The following HCN2 variants were observed in gnomAD, a reference collection of about 807,000 sequenced individuals.
HCN2 encodes potassium/sodium hyperpolarization-activated cyclic nucleotide-gated channel 2.
In HCN2, 20 loss-of-function variants were observed where a neutral mutation model predicts 52.3. The ratio of observed to expected loss-of-function variants is 0.38; its 90% CI spans 0.27 to 0.56. The LOEUF is 0.56. HCN2 is among the 20% of genes least tolerant of loss of function. HCN2 has a pLI of 0.71. For synonymous variants in HCN2, 694 were observed against 537.0 expected, an observed-to-expected ratio of 1.29 and a Z score of -4.04; for missense variants, 981 against 1,207.7, an observed-to-expected ratio of 0.81 and a Z score of 2.78.
chr19:602,704 C>A (rs910312432), intron 1 of HCN2, among the ~76,000 whole-genome samples: 1 of 152,210 alleles, frequency 6.6e-6, no homozygotes, highest in South Asian at 2.1e-4. Flanking sequence ...TTTTTAACGC[C>A]AACCTTGTGC....
At chr19:596,943 CCCTGCAGGGCT>C (rs1411719660) in intron 1 of HCN2, among the ~76,000 whole-genome samples, 1 of 152,278 alleles carries the variant, frequency 6.6e-6, no homozygotes, top group African/African-American at 2.4e-5. Context: ...GACAGTGACG[CCCTGCAGGGCT>C]CTGGGGTCCC....
Position 590,043 on chromosome 19 carries a change from A to T in HCN2, c.98A>T (p.Gln33Leu). Residue 33 changes from glutamine to leucine, a missense_variant, in exon 1 of 8, where the codon CAG becomes CTG. Gln to Leu is a moderately radical substitution (Grantham distance 113). Around this residue, in one of 6 missense-constraint regions of HCN2, gnomAD observed 215 missense variants for 179.4 expected, o/e 1.20. Coordinates refer to ENST00000251287, the MANE Select transcript of HCN2 (RefSeq NM_001194.4). The surrounding 1 kb of genome is among the most constrained non-coding windows in gnomAD (Gnocchi z 7.2). The part of the protein sequence containing the change: ...PPPPPPAPPQ[Q>L]QPPPPPPPAP... Reference sequence around the variant, plus strand: ...CCGCCGCCGCCCGCGCCCCCCCAACAGCAGCCGCCGCCGCCGCCGCCGCCC... The same window carrying T: ...CCGCCGCCGCCCGCGCCCCCCCAACTGCAGCCGCCGCCGCCGCCGCCGCCC... The T allele has an allele frequency of 1.9e-6, 1 of 525,778 alleles. No individual in the cohort carries two copies. Among genetic ancestry groups the T allele is most frequent in the Non-Finnish European group, 2.3e-6 (1 of 428,338 alleles). 32.6% of individuals were successfully genotyped at this position (525,778 alleles called of 1,614,324 possible).
At chr19:609,406 C>A (rs1036806280) in intron 4 of HCN2, among the ~76,000 whole-genome samples, 1 of 152,204 alleles carries the variant, frequency 6.6e-6, no homozygotes, top group Non-Finnish European at 1.5e-5. Context: ...TGTCAGGGTA[C>A]CTGGGGCCTC....
chr19:607,877 C>T, intron 3 of HCN2, 87 bp from the exon 4 acceptor site: 4 of 978,720 alleles, frequency 4.1e-6, no homozygotes, highest in Non-Finnish European at 6.2e-6. Flanking sequence ...CAGTGCTTGG[C>T]AGAGGGTGGG....
At chr19:614,116 C>T (rs759041142) in intron 7 of HCN2, 100 bp downstream of exon 7, 14 of 722,364 alleles carry the variant, frequency 1.9e-5, no homozygotes, top group East Asian at 3.3e-5. Flanking sequence ...GGGGGAAGGG[C>T]GTGGCTGTGG....
rs1983588500 is a variant in HCN2, at chr19:610,598, C to T, written c.1584+193C>T. Among the ~76,000 whole-genome samples the T allele has an allele frequency of 2.6e-5, 4 of 152,300 alleles. No individual in the cohort carries two copies. In the South Asian group the frequency reaches 8.3e-4, roughly 32 times the overall value. On this transcript the variant is annotated intron_variant, in intron 5 of 7. Coordinates refer to ENST00000251287, the MANE Select transcript of HCN2 (RefSeq NM_001194.4). ...CTGCACCCCCAGGACCCCCGCCACC[C>T]CCGCCTTGCTTCCCGCTGCCCCCTT...
At chr19:610,173 T>C (rs1983564231) in intron 4 of HCN2, 86 bp from the exon 5 acceptor site, 1 of 1,497,608 alleles carries the variant, frequency 6.7e-7, no homozygotes, top group South Asian at 1.2e-5. Flanking sequence ...TGACCCAGCC[T>C]CGCCTCCCCA....
At chr19:609,349 A>T (rs548656107) in intron 4 of HCN2, among the ~76,000 whole-genome samples, 15 of 152,204 alleles carry the variant, frequency 9.9e-5, no homozygotes, top group African/African-American at 3.6e-4. Context: ...TGGTTTCTGG[A>T]AAGATCATCA....
At chr19:606,136 G>A (rs1983420099) in intron 3 of HCN2, among the ~76,000 whole-genome samples, 2 of 151,990 alleles carry the variant, frequency 1.3e-5, no homozygotes, top group Non-Finnish European at 2.9e-5. Flanking sequence ...GTTTCACTCT[G>A]TCGCCCAGGC....
At chr19:601,351 G>A (rs895406366) in intron 1 of HCN2, among the ~76,000 whole-genome samples, 7 of 152,124 alleles carry the variant, frequency 4.6e-5, no homozygotes, top group African/African-American at 9.7e-5. Flanking sequence ...TGAACGTGAC[G>A]TCCTCAAGGG....
intron 1 of HCN2, among the ~76,000 whole-genome samples, chr19:601,579 C>T (rs1479038109): frequency 4.0e-5 from 6 of 150,702 alleles, no homozygotes; most frequent in Non-Finnish European, 5.9e-5. Flanking sequence ...GGTTGTCGTC[C>T]GCAATCAAGC....
At chr19:612,733 C>CTT (rs113702582) in intron 5 of HCN2, among the ~76,000 whole-genome samples, 19 of 141,762 alleles carry the variant, frequency 1.3e-4, no homozygotes, top group East Asian at 1.0e-3. Context: ...CCCCCATTTT[C>CTT]TTTTTTTTTT....
chr19:616,993 A>C lies in HCN2; in HGVS notation c.*519A>C. 2.0e-6 allele frequency: 1 copy of C among 489,822 alleles called. No homozygotes were observed. Among genetic ancestry groups the C allele is most frequent in the Non-Finnish European group, 3.7e-6 (1 of 267,484 alleles). The allele number at this position is 489,822 out of a possible 1,614,324, so 30.3% of individuals were successfully genotyped here. A position where few individuals can be genotyped will look rare whatever the true frequency, so the allele number is the denominator to read the frequency against. On this transcript the variant is annotated 3_prime_UTR_variant, in exon 8 of 8. Transcript: ENST00000251287. Reference sequence around the variant, plus strand: ...CACCCCGCCTCCCTCCAGCACTGGCACCGAGAGGCAGGCCTGGCTGCGCAG... The same window carrying C: ...CACCCCGCCTCCCTCCAGCACTGGCCCCGAGAGGCAGGCCTGGCTGCGCAG...
At position 613,966 on chromosome 19, in the gene HCN2, T is replaced by C; in HGVS notation, c.1940T>C (p.Met647Thr). 17 of 1,445,786 alleles carry C rather than the reference T, an allele frequency of 1.2e-5. No individual in the cohort carries two copies. The highest frequency in any genetic ancestry group is 1.5e-5 in the Non-Finnish European group (16 of 1,082,492). 89.6% of individuals were successfully genotyped at this position (1,445,786 alleles called of 1,614,324 possible). A position where few individuals can be genotyped will look rare whatever the true frequency, so the allele number is the denominator to read the frequency against. Residue 647 changes from methionine (M) to threonine (T), a missense_variant, in exon 7 of 8, where the codon ATG becomes ACG. Physicochemically the swap from Met to Thr is moderately conservative, Grantham distance 81. This residue lies in a region of HCN2 where 85 missense variants were observed against 106.1 expected (regional missense o/e 0.80). Transcript: ENST00000251287. The stretch of plus-strand genomic sequence containing the variant: ...AACGAGGTGCTGGAGGAGTACCCCA[T>C]GATGCGGCGCGCCTTCGAGACGGTG... ...NFNEVLEEYP[M>T]MRRAFETVAI...
chr19:613,718 G>A (rs1166528033), intron 6 of HCN2, 134 bp from the exon 7 acceptor site: 3 of 949,442 alleles, frequency 3.2e-6, no homozygotes, highest in Admixed American at 8.5e-5. Flanking sequence ...GATGGGGCCG[G>A]GGCCGGCACC....
intron 4 of HCN2, among the ~76,000 whole-genome samples, chr19:609,858 C>T (rs1288384127): frequency 1.3e-5 from 2 of 152,166 alleles, no homozygotes; most frequent in African/African-American, 4.8e-5. Context: ...TGTGATTGCA[C>T]CACTGCACTC....
At chr19:598,749 C>T (rs1036320567) in intron 1 of HCN2, among the ~76,000 whole-genome samples, 2 of 152,194 alleles carry the variant, frequency 1.3e-5, no homozygotes, top group Non-Finnish European at 2.9e-5. Flanking sequence ...CTACAGGCGC[C>T]CGCCACCTCA....
chr19:612,419 T>TGAGAGA (rs1247504083), intron 5 of HCN2, among the ~76,000 whole-genome samples: 1 of 117,290 alleles, frequency 8.5e-6, no homozygotes, highest in African/African-American at 3.2e-5. Context: ...TGTGTGTGTG[T>TGAGAGA]GTGTGTGTGA....
rs1439555189 is a variant in HCN2 at position 590,067 on chromosome 19, C to G, written c.122C>G (p.Pro41Arg). ...CAGCAGCCGCCGCCGCCGCCGCCGCCCGCGCCCCCCCCGGGCCCCGGGCCC... is the reference window on the plus strand; with the variant it reads ...CAGCAGCCGCCGCCGCCGCCGCCGCGCGCGCCCCCCCCGGGCCCCGGGCCC... ...PQQQPPPPPP[P>R]APPPGPGPAP... The change falls in exon 1 of 8, where the codon CCC becomes CGC. Residue 41 changes from proline to arginine, a missense_variant. Around this residue, in one of 6 missense-constraint regions of HCN2, gnomAD observed 215 missense variants for 179.4 expected, o/e 1.20. Transcript: ENST00000251287. This position sits in a 1 kb window ranked among gnomAD's most constrained non-coding sequence, Gnocchi z 7.2. The G allele has an allele frequency of 1.6e-6, 1 of 628,588 alleles. No individual in the cohort carries two copies. The highest frequency in any genetic ancestry group is 2.0e-6 in the Non-Finnish European group (1 of 512,522). The allele number at this position is 628,588 out of a possible 1,614,324, so 38.9% of individuals were successfully genotyped here.
Sources: allele counts gnomAD v4.1 joint callset (sites outside exome capture counted in the v4.1 genomes callset), GRCh38; gene constraint gnomAD v4.1.1; regional missense constraint gnomAD v4.1.1; non-coding constraint Gnocchi (gnomAD v3.1); transcripts MANE v1.5; gene names NCBI Gene and HGNC (gene_info 2026-07-23, HGNC 2026-07-21).